The following ALDH9A1 variants were observed in gnomAD, a reference collection of about 807,000 sequenced individuals.
ALDH9A1 encodes the protein aldehyde dehydrogenase 9 family member A1, also known as 4-trimethylaminobutyraldehyde dehydrogenase.
Under a neutral mutation model 56.6 loss-of-function variants are expected in ALDH9A1, and 42 were observed. The observed-to-expected ratio is 0.74, with a 90% CI of 0.58 to 0.96. The LOEUF (loss-of-function observed/expected upper bound fraction) is 0.96. ALDH9A1 is among the 40% of genes least tolerant of loss of function. ALDH9A1 has a pLI of 0.00. For missense variants in ALDH9A1, 661 were observed against 651.5 expected (o/e 1.01, Z -0.16); for synonymous variants, 242 against 236.0 (o/e 1.03, Z -0.23).
chr1:165,697,162 T>C (rs1650115578), intron 1 of ALDH9A1, among the ~76,000 whole-genome samples: 2 of 152,234 alleles, frequency 1.3e-5, no homozygotes, highest in Admixed American at 1.3e-4. Context: ...CCTTCAGAGT[T>C]CCCAGAGTAA....
At chr1:165,668,831 T>C (rs1649084534) in intron 8 of ALDH9A1, 95 bp downstream of exon 8, 1 of 1,037,530 alleles carries the variant, frequency 9.6e-7, no homozygotes, top group East Asian at 2.6e-5. Context: ...TTGCCAGCCC[T>C]TGCTTTATAT....
chr1:165,668,540 T>C (rs1649075757), intron 8 of ALDH9A1: 1 of 157,540 alleles, frequency 6.3e-6, no homozygotes, highest in Non-Finnish European at 1.4e-5. Flanking sequence ...TCTTTTCTAC[T>C]TACCCAGTCT....
chr1:165,688,231 C>T lies in ALDH9A1; in HGVS notation c.328-5121G>A, dbSNP rs1034030928. Among the ~76,000 whole-genome samples the T allele has an allele frequency of 9.2e-5, 14 of 152,228 alleles. No homozygotes were observed. In the East Asian group the frequency reaches 2.3e-3, roughly 25 times the overall value. The stretch of plus-strand genomic sequence containing the variant: ...ACTCAGGACGCTGAGGTGGGAGGAT[C>T]GTTTGAGCCCAGAAGGTCAAGGCCA... On this transcript the variant is annotated intron_variant, in intron 2 of 10. Coordinates refer to ENST00000354775, the MANE Select transcript of ALDH9A1 (RefSeq NM_000696.4).
At chr1:165,687,204 T>C (rs1649736432) in intron 2 of ALDH9A1, among the ~76,000 whole-genome samples, 1 of 151,162 alleles carries the variant, frequency 6.6e-6, no homozygotes, top group Non-Finnish European at 1.5e-5. Context: ...AACTGGAAAA[T>C]GAACTGAGCA....
rs531642621 is a variant in ALDH9A1, at chr1:165,698,441, C to A, written c.118G>T (p.Gly40Cys). 6.2e-7 allele frequency: 1 copy of A among 1,606,374 alleles called. No homozygotes were observed. Among genetic ancestry groups the A allele is most frequent in the South Asian group, 1.1e-5 (1 of 90,216 alleles). Reference protein sequence around the residue: ...FVVSQPLNYRGGARVEPADAS... With the variant: ...FVVSQPLNYRCGARVEPADAS... ...TCCGCCGGCTCCACGCGGGCCCCGC[C>A]GCGGTAATTGAGCGGCTGCGACACG... Residue 40 changes from glycine (G) to cysteine (C), a missense_variant, in exon 1 of 11, where the codon GGC (glycine) becomes TGC (cysteine). Physicochemically the swap from Gly to Cys is radical, Grantham distance 159. Transcript: ENST00000354775.
intron 2 of ALDH9A1, among the ~76,000 whole-genome samples, chr1:165,685,614 G>T (rs41326750): frequency 0.16 from 24,448 of 152,158 alleles, 2,234 homozygotes; most frequent in African/African-American, 0.25. Context: ...AAAAGCATGA[G>T]GTGTGACAGT....
Position 165,689,942 on chromosome 1 carries a change from AAT to A in ALDH9A1, c.327+5308_327+5309del, listed in dbSNP as rs1314006020. On this transcript the variant is annotated intron_variant, in intron 2 of 10. Coordinates refer to ENST00000354775, the MANE Select transcript of ALDH9A1 (RefSeq NM_000696.4). ...GAGTGAGACTCCATCACAAAAAAAA[AAT>A]AATAATAAATAAACAGAAATTAGTG... 2.5e-3 allele frequency among the ~76,000 whole-genome samples: 191 copies of A among 74,954 alleles called. 1 individual carries two copies. The highest frequency in any genetic ancestry group is 9.5e-3 in the East Asian group (2 of 210). The allele number at this position is 74,954 out of a possible 152,430, so 49.2% of individuals were successfully genotyped here. A position where few individuals can be genotyped will look rare whatever the true frequency, so the allele number is the denominator to read the frequency against.
Position 165,674,963 on chromosome 1 carries a change from C to T in ALDH9A1, c.930+4479G>A, listed in dbSNP as rs561732129. 4.9e-3 allele frequency among the ~76,000 whole-genome samples: 742 copies of T among 152,082 alleles called. 6 individuals are homozygous for T. The highest frequency in any genetic ancestry group is 0.017 in the African/African-American group (710 of 41,490). On this transcript the variant is annotated intron_variant, in intron 6 of 10. Coordinates refer to ENST00000354775, the MANE Select transcript of ALDH9A1 (RefSeq NM_000696.4). ...AATCCCACACTTTGGAAGGCTGAGG[C>T]GGGTGGATCGCCTGAGCTCAGGAGT...
intron 5 of ALDH9A1, among the ~76,000 whole-genome samples, chr1:165,680,061 C>T (rs1332055774): frequency 1.5e-5 from 2 of 131,526 alleles, no homozygotes; most frequent in African/African-American, 5.5e-5. Context: ...TTGTCATAGC[C>T]AGAAATTCTT....
intron 6 of ALDH9A1, 119 bp from the exon 7 acceptor site, chr1:165,669,569 G>A (rs1649113278): frequency 1.1e-6 from 1 of 926,694 alleles, no homozygotes; most frequent in Non-Finnish European, 1.5e-6. Context: ...TTTTTTAAAA[G>A]GATATTTCCA....
intron 6 of ALDH9A1, among the ~76,000 whole-genome samples, chr1:165,675,717 CACAA>C (rs1426847189): frequency 2.6e-5 from 4 of 152,100 alleles, no homozygotes; most frequent in Non-Finnish European, 5.9e-5. Context: ...TGAATACAAA[CACAA>C]ACAAATGAAT....
chr1:165,679,953 C>T (rs1649490857), intron 5 of ALDH9A1, among the ~76,000 whole-genome samples: 1 of 151,932 alleles, frequency 6.6e-6, no homozygotes, highest in Admixed American at 6.6e-5. Context: ...TTGAAGGCTG[C>T]AGTAAGCTGT....
intron 3 of ALDH9A1, among the ~76,000 whole-genome samples, chr1:165,682,474 A>C (rs1176355233): frequency 6.6e-6 from 1 of 152,150 alleles, no homozygotes; most frequent in Non-Finnish European, 1.5e-5. Context: ...TGTTCATCTA[A>C]CTTGATTTTA....
chr1:165,673,517 C>T (rs757043634), intron 6 of ALDH9A1, among the ~76,000 whole-genome samples: 6 of 152,138 alleles, frequency 3.9e-5, no homozygotes, highest in Non-Finnish European at 5.9e-5. Flanking sequence ...TTTGCAGTAA[C>T]ATCTTTCTGG....
intron 1 of ALDH9A1, chr1:165,698,129 C>A: frequency 9.6e-7 from 1 of 1,044,162 alleles, no homozygotes. Context: ...TCTGTTCTGG[C>A]CCGGGTAAAA....
chr1:165,677,520 C>T (rs537143037), intron 6 of ALDH9A1, among the ~76,000 whole-genome samples: 5 of 152,112 alleles, frequency 3.3e-5, no homozygotes, highest in African/African-American at 9.6e-5. Flanking sequence ...CAAAAGGTCA[C>T]GGAAAGGGAT....
rs1649594402 is a variant in ALDH9A1, at chr1:165,682,909, T to C, written c.457+72A>G. 4.6e-6 allele frequency: 7 copies of C among 1,521,696 alleles called. No individual in the cohort carries two copies. The South Asian group carries it at 8.7e-5, about 19-fold the overall frequency. 94.3% of individuals were successfully genotyped at this position (1,521,696 alleles called of 1,614,324 possible). On this transcript the variant is annotated intron_variant, in intron 3 of 10. Coordinates refer to ENST00000354775, the MANE Select transcript of ALDH9A1 (RefSeq NM_000696.4). ...CAGGTTTGTCTTAATTCCAAAATCT[T>C]TGCCCTTCACCACTAGGCCCTGCTC...
intron 2 of ALDH9A1, among the ~76,000 whole-genome samples, chr1:165,690,873 A>T (rs1649866861): frequency 6.6e-6 from 1 of 152,196 alleles, no homozygotes; most frequent in Non-Finnish European, 1.5e-5. Context: ...GCTCGAACCG[A>T]GTGGAGCCCA....
intron 2 of ALDH9A1, among the ~76,000 whole-genome samples, chr1:165,683,975 C>T (rs1649632314): frequency 6.6e-6 from 1 of 152,106 alleles, no homozygotes; most frequent in Non-Finnish European, 1.5e-5. Context: ...GATTAAGCAA[C>T]TGACAAGAAG....
Sources: allele counts gnomAD v4.1 joint callset (sites outside exome capture counted in the v4.1 genomes callset), GRCh38; gene constraint gnomAD v4.1.1; transcripts MANE v1.5; gene names NCBI Gene and HGNC (gene_info 2026-07-23, HGNC 2026-07-21).